The following PDE1C variants were observed in gnomAD, a reference collection of about 807,000 sequenced individuals.
The protein encoded by PDE1C is dual specificity calcium/calmodulin-dependent 3',5'-cyclic nucleotide phosphodiesterase 1C.
Under a neutral mutation model 93.1 loss-of-function variants are expected in PDE1C, and 62 were observed. The observed-to-expected ratio is 0.67, with a 90% CI of 0.54 to 0.82. The LOEUF (loss-of-function observed/expected upper bound fraction) is 0.82, where lower values mean the gene tolerates loss of function less well. Among genes scored for constraint, PDE1C ranks in the 40% least tolerant of loss-of-function variants. The pLI, the probability that PDE1C is intolerant of heterozygous loss-of-function variation, is 0.00. For missense variants in PDE1C, 742 were observed against 884.6 expected, an observed-to-expected ratio of 0.84 and a Z score of 2.04; for synonymous variants, 325 against 310.1, an observed-to-expected ratio of 1.05 and a Z score of -0.50.
At chr7:32,403,831 A>G (rs570287677) in intron 1 of PDE1C, among the ~76,000 whole-genome samples, 156 of 152,318 alleles carry the variant, frequency 1.0e-3, no homozygotes, top group African/African-American at 3.5e-3. Context: ...CAGCATTGGG[A>G]ACTGAGGGGT....
intron 2 of PDE1C, among the ~76,000 whole-genome samples, chr7:31,895,617 T>A (rs1393075355): frequency 7.0e-6 from 1 of 142,238 alleles, no homozygotes; most frequent in Non-Finnish European, 1.6e-5. Context: ...TCACTCTGTC[T>A]CTCTGATATG....
At chr7:31,642,373 T>A in the PDE1C span, 1 of 743,118 alleles carries the variant, frequency 1.3e-6, no homozygotes. Context: ...AGGGGTGTTT[T>A]AAATCAAGCC....
intron 1 of PDE1C, among the ~76,000 whole-genome samples, chr7:32,319,295 CG>C (rs1392486547): frequency 3.3e-5 from 5 of 152,206 alleles, no homozygotes; most frequent in Admixed American, 3.3e-4. Flanking sequence ...CCTTTCATGG[CG>C]GGCCTTCCAC....
intron 2 of PDE1C, among the ~76,000 whole-genome samples, chr7:31,953,082 TTGA>T (rs1807629346): frequency 1.3e-5 from 2 of 152,180 alleles, no homozygotes; most frequent in South Asian, 2.1e-4. Flanking sequence ...TGTTGTTGGG[TTGA>T]TAATAATTAT....
intron 3 of PDE1C, among the ~76,000 whole-genome samples, chr7:31,880,475 T>A (rs1797104196): frequency 6.6e-6 from 1 of 152,210 alleles, no homozygotes; most frequent in African/African-American, 2.4e-5. Flanking sequence ...CTTAGTGGAT[T>A]TTTAAAAATT....
chr7:31,971,272 T>G (rs1327704036), intron 2 of PDE1C, among the ~76,000 whole-genome samples: 1 of 152,196 alleles, frequency 6.6e-6, no homozygotes, highest in Non-Finnish European at 1.5e-5. Context: ...TACAGTGACC[T>G]TCTGTGGTAG....
At chr7:31,982,040 C>T (rs1262487661) in intron 2 of PDE1C, among the ~76,000 whole-genome samples, 1 of 152,180 alleles carries the variant, frequency 6.6e-6, no homozygotes, top group Non-Finnish European at 1.5e-5. Flanking sequence ...CTGCATGATG[C>T]AATTCACTGC....
At chr7:31,684,681 G>T in the PDE1C span, among the ~76,000 whole-genome samples, 37 of 152,250 alleles carry the variant, frequency 2.4e-4, no homozygotes, top group Middle Eastern at 3.4e-3. Context: ...AGCATAATTA[G>T]TCATGCACAG....
intron 3 of PDE1C, among the ~76,000 whole-genome samples, chr7:32,104,116 A>G (rs942350725): frequency 1.6e-4 from 24 of 152,192 alleles, no homozygotes; most frequent in African/African-American, 5.1e-4. Flanking sequence ...GAAATAAATT[A>G]TCAGAGGAAT....
intron 3 of PDE1C, among the ~76,000 whole-genome samples, chr7:32,097,523 A>G (rs983997911): frequency 1.3e-5 from 2 of 152,194 alleles, no homozygotes; most frequent in Non-Finnish European, 2.9e-5. Flanking sequence ...CTGGCCCTCA[A>G]AGGTCAGTAG....
the PDE1C span, chr7:31,707,223 C>T: frequency 0.13 from 208,258 of 1,612,336 alleles, 14,682 homozygotes; most frequent in East Asian, 0.26. Context: ...TGCTCAGGGA[C>T]GAGAGACCCA....
intron 3 of PDE1C, among the ~76,000 whole-genome samples, chr7:32,164,524 G>T (rs2128800486): frequency 6.6e-6 from 1 of 152,292 alleles, no homozygotes; most frequent in East Asian, 1.9e-4. Flanking sequence ...GGTAGACTTG[G>T]TTGAAATCTC....
the PDE1C span, among the ~76,000 whole-genome samples, chr7:31,617,309 GTATTTCATTGATAAGCTAT>G: frequency 6.6e-6 from 1 of 152,036 alleles, no homozygotes; most frequent in Admixed American, 6.6e-5. Flanking sequence ...TTCTCAACAA[GTATTTCATTGATAAGCTAT>G]TAAAGAATAA....
At chr7:32,390,256 T>C (rs1333239914) in intron 1 of PDE1C, among the ~76,000 whole-genome samples, 1 of 152,070 alleles carries the variant, frequency 6.6e-6, no homozygotes, top group East Asian at 1.9e-4. Context: ...TATATTAAAT[T>C]AATATTAATA....
intron 1 of PDE1C, among the ~76,000 whole-genome samples, chr7:32,279,462 G>T (rs920562837): frequency 8.5e-5 from 13 of 152,112 alleles, no homozygotes; most frequent in Admixed American, 8.5e-4. Context: ...TACACAAGAG[G>T]ATGCTGAATG....
At chr7:32,071,308 C>T (rs539664313), upstream of PDE1C, 27 of 985,560 alleles carry the variant, frequency 2.7e-5, no homozygotes, top group African/African-American at 4.5e-4. Context: ...GGAGGTTGGG[C>T]CTGGAGGTCC....
chr7:31,846,318 T>C (rs1792595576), intron 9 of PDE1C, among the ~76,000 whole-genome samples: 1 of 146,624 alleles, frequency 6.8e-6, no homozygotes, highest in Admixed American at 7.1e-5. Context: ...GCCTCAGAAA[T>C]AATAGCACAC....
intron 2 of PDE1C, among the ~76,000 whole-genome samples, chr7:31,956,021 C>G (rs1808082031): frequency 6.6e-6 from 1 of 152,200 alleles, no homozygotes; most frequent in Non-Finnish European, 1.5e-5. Context: ...TTAACAACAG[C>G]ACCTGAGTCA....
At chr7:31,771,543 G>A (rs1376249672) in intron 17 of PDE1C, among the ~76,000 whole-genome samples, 8 of 151,966 alleles carry the variant, frequency 5.3e-5, no homozygotes, top group Admixed American at 5.2e-4. Flanking sequence ...CAGTCCTTTG[G>A]CCATTTTTGA....
Sources: gnomAD v4.1 joint callset for allele counts (sites outside exome capture counted in the v4.1 genomes callset) on GRCh38, gnomAD v4.1.1 for gene constraint, MANE v1.5 for transcripts, NCBI Gene and HGNC (gene_info 2026-07-23, HGNC 2026-07-21) for gene names.